The following FST variants were observed in gnomAD, a reference collection of about 807,000 sequenced individuals.
FST encodes activin-binding protein.
In FST, 6 loss-of-function variants were observed where a neutral mutation model predicts 38.4. The observed-to-expected ratio is 0.16, with a 90% CI of 0.09 to 0.31. The LOEUF is 0.31. Among genes scored for constraint, FST ranks in the 10% least tolerant of loss-of-function variants. FST has a pLI of 1.00. For synonymous variants in FST, 157 were observed against 169.8 expected (o/e 0.92, Z 0.59); for missense variants, 301 against 432.3 (o/e 0.70, Z 2.69).
chr5:53,484,308 T>C lies in FST; in HGVS notation c.721+15T>C, dbSNP rs1392820139. 6.2e-7 allele frequency: 1 copy of C among 1,611,228 alleles called. No homozygotes were observed. Among genetic ancestry groups the C allele is most frequent in the East Asian group, 2.2e-5 (1 of 44,860 alleles). ...AAAGTGTATCAGTAGGTATTCTGGATTGAGGAAGGAAAAAGAGAAAACAGG... is the reference window on the plus strand; with the variant it reads ...AAAGTGTATCAGTAGGTATTCTGGACTGAGGAAGGAAAAAGAGAAAACAGG... On this transcript the variant is annotated intron_variant, in intron 4 of 5. Transcript: ENST00000256759.
rs1317450123 is a variant in FST, at chr5:53,486,356, G to T, written c.*323G>T. On this transcript the variant is annotated 3_prime_UTR_variant, in exon 6 of 6. Coordinates refer to ENST00000256759, the MANE Select transcript of FST (RefSeq NM_013409.3). Reference sequence around the variant, plus strand: ...CTGGTTGACTGTATACCTTGTTTTTGAAGAAATTTATTCGTGAAAGGAAGA... The same window carrying T: ...CTGGTTGACTGTATACCTTGTTTTTTAAGAAATTTATTCGTGAAAGGAAGA... 1.1e-5 allele frequency: 2 copies of T among 176,050 alleles called. No homozygotes were observed. Among genetic ancestry groups the T allele is most frequent in the Non-Finnish European group, 2.4e-5 (2 of 84,564 alleles). The allele number at this position is 176,050 out of a possible 1,614,324, so 10.9% of individuals were successfully genotyped here.
intron 5 of FST, 61 bp from the exon 6 acceptor site, chr5:53,485,890 C>G: frequency 3.1e-6 from 5 of 1,601,192 alleles, no homozygotes; most frequent in Non-Finnish European, 4.2e-6. Context: ...ATACACTGAG[C>G]TGCTTCTGCG....
chr5:53,485,841 C>T (rs1470911570), intron 5 of FST, 110 bp from the exon 6 acceptor site: 11 of 1,596,772 alleles, frequency 6.9e-6, no homozygotes, highest in Non-Finnish European at 9.4e-6. Context: ...CATAAAAATG[C>T]AACGCTGTAA....
At position 53,483,032 on chromosome 5, in the gene FST, A is replaced by G. The variant is rs1318021275; in HGVS notation, c.238A>G (p.Ile80Val). 2.5e-6 allele frequency: 4 copies of G among 1,613,954 alleles called. No individual in the cohort carries two copies. The change falls in exon 2 of 6, where the codon ATT (isoleucine) becomes GTT (valine). Residue 80 changes from isoleucine (I) to valine (V), a missense_variant. By Grantham distance (29) the Ile-to-Val change is conservative. Coordinates refer to ENST00000256759, the MANE Select transcript of FST (RefSeq NM_013409.3). The surrounding 1 kb of genome is among the most constrained non-coding windows in gnomAD (Gnocchi z 4.1). ...VNDNTLFKWMIFNGGAPNCIP... is the reference protein window; with the variant it reads ...VNDNTLFKWMVFNGGAPNCIP... Reference sequence around the variant, plus strand: ...TGACAACACACTCTTCAAGTGGATGATTTTCAACGGGGGCGCCCCCAACTG... The same window carrying G: ...TGACAACACACTCTTCAAGTGGATGGTTTTCAACGGGGGCGCCCCCAACTG...
At chr5:53,485,697 G>A (rs748823165) in intron 5 of FST, 20 of 1,608,358 alleles carry the variant, frequency 1.2e-5, no homozygotes, top group Middle Eastern at 1.7e-4. Flanking sequence ...GAATCTGCCC[G>A]TAAAACCTGA....
At chr5:53,484,954 A>G (rs1168429599) in intron 4 of FST, 43 bp from the exon 5 acceptor site, 1 of 915,620 alleles carries the variant, frequency 1.1e-6, no homozygotes, top group African/African-American at 1.6e-5. Flanking sequence ...AAAGGGGGAT[A>G]TGGGGAAATC....
chr5:53,481,186 G>A (rs540992974), intron 1 of FST, among the ~76,000 whole-genome samples: 59 of 151,506 alleles, frequency 3.9e-4, no homozygotes, highest in Non-Finnish European at 6.3e-4. Context: ...CTCTGAAGAA[G>A]GGAACAAGTA....
At chr5:53,485,667 C>T (rs1747508245) in intron 5 of FST, 15 of 1,501,238 alleles carry the variant, frequency 1.0e-5, no homozygotes, top group Non-Finnish European at 1.3e-5. Flanking sequence ...AACACAAGAG[C>T]GCTTTTTATC....
chr5:53,484,344 T>A (rs768533704), intron 4 of FST, 51 bp downstream of exon 4: 41 of 1,568,358 alleles, frequency 2.6e-5, no homozygotes, highest in Admixed American at 3.7e-5. Context: ...CTAGTTCTAT[T>A]ATTAAACTGT....
In FST at chr5:53,484,051, T is replaced by C; in HGVS notation, c.497-18T>C. On this transcript the variant is annotated intron_variant, in intron 3 of 5. Transcript: ENST00000256759. ...ACTAGAAGGTACCTATTCATGTGTG[T>C]TTCCTTCTTTGTTCCAGAGACTTGT... 5 of 1,607,992 alleles carry C rather than the reference T, an allele frequency of 3.1e-6. No individual in the cohort carries two copies. The highest frequency in any genetic ancestry group is 4.3e-6 in the Non-Finnish European group (5 of 1,174,694).
chr5:53,480,974 C>T (rs1747168391), intron 1 of FST, 98 bp downstream of exon 1: 1 of 505,858 alleles, frequency 2.0e-6, no homozygotes, highest in South Asian at 3.5e-5. Context: ...ACGCTGCTCT[C>T]GGAAGATGTT....
intron 4 of FST, 86 bp from the exon 5 acceptor site, chr5:53,484,911 A>C (rs1310071179): frequency 1.5e-6 from 1 of 686,500 alleles, no homozygotes; most frequent in South Asian, 1.8e-5. Context: ...AATTATGTTT[A>C]TATTTATTGA....
At position 53,486,096 on chromosome 5, in the gene FST, AAAAG is replaced by A. The variant is rs1284940377; in HGVS notation, c.*67_*70del. The A allele has an allele frequency of 4.9e-6, 4 of 812,954 alleles. No individual in the cohort carries two copies. Among genetic ancestry groups the A allele is most frequent in the East Asian group, 2.8e-5 (1 of 35,800 alleles). 50.4% of individuals were successfully genotyped at this position (812,954 alleles called of 1,614,324 possible). On this transcript the variant is annotated 3_prime_UTR_variant, in exon 6 of 6. Coordinates refer to ENST00000256759, the MANE Select transcript of FST (RefSeq NM_013409.3). ...GCAAAAAAAAAAAAAAAAAAAAAGA[AAAAG>A]AAAAAAAGAAAAATATATTGTCCAT...
At chr5:53,484,946 A>G in intron 4 of FST, 51 bp from the exon 5 acceptor site, 1 of 872,204 alleles carries the variant, frequency 1.1e-6, no homozygotes, top group Non-Finnish European at 2.0e-6. Flanking sequence ...AAGGGAGAAA[A>G]GGGGGATATG....
In FST at chr5:53,484,384, G is replaced by A. The variant is rs117244832; in HGVS notation, c.721+91G>A. 6.5e-4 allele frequency: 853 copies of A among 1,321,896 alleles called. 6 individuals are homozygous for A. In the East Asian group the frequency reaches 0.016, roughly 25 times the overall value. 81.9% of individuals were successfully genotyped at this position (1,321,896 alleles called of 1,614,324 possible). On this transcript the variant is annotated intron_variant, in intron 4 of 5. Transcript: ENST00000256759. ...TTAACTAATAAGTAAAGCCCAAGGC[G>A]TCCCCAAACACCATAGGGAGAAATA...
intron 1 of FST, among the ~76,000 whole-genome samples, chr5:53,482,147 G>A (rs1476058034): frequency 1.3e-5 from 2 of 152,240 alleles, no homozygotes; most frequent in East Asian, 3.8e-4. Context: ...GGCCGCGCGG[G>A]GTAGCTCCGG....
Position 53,486,084 on chromosome 5 carries a change from A to C in FST, c.*51A>C. 1 of 952,520 alleles carries C rather than the reference A, an allele frequency of 1.0e-6. No homozygotes were observed. The highest frequency in any genetic ancestry group is 1.6e-6 in the Non-Finnish European group (1 of 631,016). 59.0% of individuals were successfully genotyped at this position (952,520 alleles called of 1,614,324 possible). A position where few individuals can be genotyped will look rare whatever the true frequency, so the allele number is the denominator to read the frequency against. ...CATAGCCTTTGTGCAAAAAAAAAAA[A>C]AAAAAAAAAGAAAAAGAAAAAAAGA... On this transcript the variant is annotated 3_prime_UTR_variant, in exon 6 of 6. Coordinates refer to ENST00000256759, the MANE Select transcript of FST (RefSeq NM_013409.3).
At chr5:53,485,894 T>A in intron 5 of FST, 57 bp from the exon 6 acceptor site, 1 of 1,602,696 alleles carries the variant, frequency 6.2e-7, no homozygotes, top group Non-Finnish European at 8.5e-7. Flanking sequence ...ACTGAGCTGC[T>A]TCTGCGCTGT....
In FST at chr5:53,486,196, C is replaced by G. The variant is rs565448369; in HGVS notation, c.*163C>G. The G allele has an allele frequency of 2.1e-6, 1 of 483,258 alleles. No homozygotes were observed. The highest frequency in any genetic ancestry group is 3.6e-6 in the Non-Finnish European group (1 of 280,068). The allele number at this position is 483,258 out of a possible 1,614,324, so 29.9% of individuals were successfully genotyped here. On this transcript the variant is annotated 3_prime_UTR_variant, in exon 6 of 6. Transcript: ENST00000256759. ...ATTAAAGGACCTTTGTCCTAAAGCT[C>G]TCTCCCAGGCCACCTTGTTACTCAT...
Sources: allele counts gnomAD v4.1 joint callset (sites outside exome capture counted in the v4.1 genomes callset), GRCh38; gene constraint gnomAD v4.1.1; non-coding constraint Gnocchi (gnomAD v3.1); transcripts MANE v1.5; gene names NCBI Gene and HGNC (gene_info 2026-07-23, HGNC 2026-07-21).